DENND2C: variants seen among roughly 807,000 people sequenced by gnomAD.
DENND2C encodes the protein DENN domain-containing protein 2C.
Under a neutral mutation model 112.4 loss-of-function variants are expected in DENND2C, and 72 were observed. The observed-to-expected ratio is 0.64, with a 90% CI of 0.53 to 0.78. The LOEUF is 0.78. Ranked by LOEUF, DENND2C falls within the 30% of genes least tolerant of loss-of-function variation. The pLI is 0.00. For missense variants in DENND2C, 992 were observed against 1,113.8 expected (o/e 0.89, Z 1.56); for synonymous variants, 329 against 381.6 (o/e 0.86, Z 1.61).
chr1:114,612,011 T>C (rs1655833466), intron 8 of DENND2C, among the ~76,000 whole-genome samples: 2 of 152,134 alleles, frequency 1.3e-5, no homozygotes, highest in South Asian at 4.1e-4. Context: ...GTAAACACAT[T>C]GCAGACACAA....
chr1:114,624,265 G>A (rs1231681347), intron 4 of DENND2C, among the ~76,000 whole-genome samples: 2 of 152,048 alleles, frequency 1.3e-5, no homozygotes, highest in South Asian at 2.1e-4. Flanking sequence ...GTGGAAGAAT[G>A]TTACTGCTTC....
At chr1:114,617,336 A>C (rs918691516) in intron 8 of DENND2C, among the ~76,000 whole-genome samples, 1 of 152,082 alleles carries the variant, frequency 6.6e-6, no homozygotes, top group African/African-American at 2.4e-5. Context: ...TTTGAGATGG[A>C]GTCTCACTCT....
At chr1:114,655,455 C>CAT (rs1343921861) in intron 1 of DENND2C, among the ~76,000 whole-genome samples, 3 of 152,264 alleles carry the variant, frequency 2.0e-5, no homozygotes, top group Admixed American at 6.5e-5. Flanking sequence ...ACCTATGATG[C>CAT]ACCAAGTGTT....
chr1:114,651,649 G>T (rs906014561), intron 2 of DENND2C, among the ~76,000 whole-genome samples: 5 of 152,082 alleles, frequency 3.3e-5, no homozygotes, highest in Non-Finnish European at 7.4e-5. Context: ...TGAGGCAGGA[G>T]AATGACTTGA....
In DENND2C at chr1:114,585,313, A is replaced by G. The variant is rs902478739; in HGVS notation, c.*287T>C. Reference sequence around the variant, plus strand: ...CCTTGTGAAACACAACTACTTTCACAGACAAAGCACAAAACAGAGAATGAG... The same window carrying G: ...CCTTGTGAAACACAACTACTTTCACGGACAAAGCACAAAACAGAGAATGAG... On this transcript the variant is annotated 3_prime_UTR_variant, in exon 21 of 21. Transcript: ENST00000393274. The G allele has an allele frequency of 3.7e-5, 14 of 376,690 alleles. No homozygotes were observed. Among genetic ancestry groups the G allele is most frequent in the South Asian group, 1.3e-4 (2 of 15,546 alleles). 23.3% of individuals were successfully genotyped at this position (376,690 alleles called of 1,614,324 possible). A position where few individuals can be genotyped will look rare whatever the true frequency, so the allele number is the denominator to read the frequency against.
chr1:114,610,293 A>T (rs2101654709), intron 9 of DENND2C, among the ~76,000 whole-genome samples: 1 of 152,370 alleles, frequency 6.6e-6, no homozygotes, highest in Middle Eastern at 3.4e-3. Context: ...ACTAGAAAGT[A>T]AACAGCACAA....
At chr1:114,639,468 G>C (rs1379043956) in intron 3 of DENND2C, among the ~76,000 whole-genome samples, 3 of 151,654 alleles carry the variant, frequency 2.0e-5, no homozygotes, top group South Asian at 2.1e-4. Flanking sequence ...AATAATCCCA[G>C]CTATTTGGGA....
At chr1:114,589,481 T>C (rs1034473264) in intron 18 of DENND2C, among the ~76,000 whole-genome samples, 1 of 152,198 alleles carries the variant, frequency 6.6e-6, no homozygotes, top group Non-Finnish European at 1.5e-5. Flanking sequence ...TCTCATCTCT[T>C]TCCTTCTGCA....
At chr1:114,637,024 C>G (rs958864012) in intron 3 of DENND2C, among the ~76,000 whole-genome samples, 2 of 151,680 alleles carry the variant, frequency 1.3e-5, no homozygotes, top group Non-Finnish European at 2.9e-5. Flanking sequence ...GCAGGCAGAT[C>G]ACTTGAGGTC....
At chr1:114,610,624 C>A (rs1045666793) in intron 9 of DENND2C, among the ~76,000 whole-genome samples, 1 of 150,510 alleles carries the variant, frequency 6.6e-6, no homozygotes, top group African/African-American at 2.5e-5. Flanking sequence ...TGCCTGAACC[C>A]GGGAGGCAGA....
chr1:114,584,281 C>CT lies in DENND2C; in HGVS notation c.*1318dup, dbSNP rs908991084. On this transcript the variant is annotated 3_prime_UTR_variant, in exon 21 of 21. Coordinates refer to ENST00000393274, the MANE Select transcript of DENND2C (RefSeq NM_001256404.2). The stretch of plus-strand genomic sequence containing the variant: ...TTTTTCTTTTTTCTTTTCCTTTTTT[C>CT]TTTTTTTTGAGATGGAGTCTCGCTC... The CT allele has an allele frequency of 4.0e-5, 6 of 150,970 alleles. No individual in the cohort carries two copies. Among genetic ancestry groups the CT allele is most frequent in the African/African-American group, 7.3e-5 (3 of 41,022 alleles). The allele number at this position is 150,970 out of a possible 1,614,324, so 9.4% of individuals were successfully genotyped here.
chr1:114,592,137 C>T (rs1017115904), intron 18 of DENND2C, among the ~76,000 whole-genome samples: 4 of 152,012 alleles, frequency 2.6e-5, no homozygotes, highest in East Asian at 1.9e-4. Flanking sequence ...TGCCCACCTC[C>T]GCCTCCCAAA....
Position 114,587,964 on chromosome 1 carries a change from TGAAAAA to T in DENND2C, c.2432-18_2432-13del, listed in dbSNP as rs749081007. The T allele has an allele frequency of 3.7e-6, 6 of 1,603,822 alleles. No homozygotes were observed. Among genetic ancestry groups the T allele is most frequent in the South Asian group, 2.2e-5 (2 of 89,434 alleles). On this transcript the variant is annotated splice_polypyrimidine_tract_variant and intron_variant, in intron 18 of 20. Transcript: ENST00000393274. ...GTTGAGTGTCACATCTGCTGCAACA[TGAAAAA>T]GAAAAAAAGAAAAAAATCTCCTCAG... is the stretch of plus-strand genomic sequence containing the variant.
chr1:114,633,472 G>A (rs1167796023), intron 3 of DENND2C, among the ~76,000 whole-genome samples: 27 of 138,650 alleles, frequency 1.9e-4, no homozygotes, highest in African/African-American at 4.9e-4. Context: ...AGAAAAAGAA[G>A]GAAGGAAGGA....
intron 4 of DENND2C, among the ~76,000 whole-genome samples, chr1:114,623,862 T>C (rs1048911881): frequency 2.6e-5 from 4 of 152,142 alleles, no homozygotes; most frequent in Non-Finnish European, 5.9e-5. Context: ...TGTAGGGATG[T>C]TGCACCTGGG....
chr1:114,594,366 G>T, intron 18 of DENND2C, 107 bp downstream of exon 18: 1 of 881,592 alleles, frequency 1.1e-6, no homozygotes, highest in Non-Finnish European at 1.8e-6. Flanking sequence ...CAGCGCACAG[G>T]CAATCTAATG....
intron 3 of DENND2C, among the ~76,000 whole-genome samples, chr1:114,627,986 C>T (rs1570787162): frequency 6.6e-6 from 1 of 151,654 alleles, no homozygotes; most frequent in East Asian, 1.9e-4. Flanking sequence ...ATTGTCAGGG[C>T]TAAAAAAAAA....
At position 114,622,048 on chromosome 1, in the gene DENND2C, C is replaced by T; in HGVS notation, c.1074G>A (p.Gln358=). Residue 358 remains glutamine (Q), a synonymous_variant, in exon 7 of 21, where the codon CAG becomes CAA. Transcript: ENST00000393274. ...FKAPKLPPKP[Q]FLHRKTMEVK... ...CTTCCATAGTCTTCCGGTGAAGGAA[C>T]TGAGGTTTTGGAGGGAGCTAAAACA... The T allele has an allele frequency of 6.5e-7, 1 of 1,544,312 alleles. No homozygotes were observed. The highest frequency in any genetic ancestry group is 2.4e-5 in the East Asian group (1 of 40,880).
Position 114,587,931 on chromosome 1 carries a change from A to T in DENND2C, c.2453T>A (p.Val818Glu). The change falls in exon 19 of 21, where the codon GTG becomes GAG. Residue 818 changes from valine (V) to glutamate (E), a missense_variant. By Grantham distance (121) the Val-to-Glu change is moderately radical. Transcript: ENST00000393274. ...AAAAAACCTGACAAATGCTTCGGAC[A>T]CCAGAGAGTTGAGTGTCACATCTGC... is the stretch of plus-strand genomic sequence containing the variant. ...FSQDVTLNSL[V>E]SEAFVRFFVE... The T allele has an allele frequency of 6.2e-7, 1 of 1,614,156 alleles. No homozygotes were observed. The highest frequency in any genetic ancestry group is 1.6e-4 in the Middle Eastern group (1 of 6,062).
Sources: allele counts gnomAD v4.1 joint callset (sites outside exome capture counted in the v4.1 genomes callset), GRCh38; gene constraint gnomAD v4.1.1; transcripts MANE v1.5; gene names NCBI Gene and HGNC (gene_info 2026-07-23, HGNC 2026-07-21).